The following NAA11 variants were observed in gnomAD, a reference collection of about 807,000 sequenced individuals.
NAA11 encodes N-alpha-acetyltransferase 11, NatA catalytic subunit.
In NAA11, 15 loss-of-function variants were observed where a neutral mutation model predicts 16.1. The ratio of observed to expected loss-of-function variants is 0.93; its 90% confidence interval spans 0.62 to 1.44. The LOEUF is 1.44. Among genes scored for constraint, NAA11 ranks in the 40% most tolerant of loss-of-function variants. The probability of loss-of-function intolerance (pLI) is 0.00; values close to 1 mark genes in which losing one functional copy is unlikely to be tolerated. For missense variants in NAA11, 298 were observed against 291.3 expected, an observed-to-expected ratio of 1.02 and a Z score of -0.17; for synonymous variants, 122 against 112.4, an observed-to-expected ratio of 1.09 and a Z score of -0.54.
chr4:79,178,652 G>A, the NAA11 span, among the ~76,000 whole-genome samples: 1 of 152,150 alleles, frequency 6.6e-6, no homozygotes, highest in Non-Finnish European at 1.5e-5. Flanking sequence ...GCCCAGTGGA[G>A]AAGATACATA....
At chr4:79,324,250 T>C (rs1269026925) in intron 1 of NAA11, among the ~76,000 whole-genome samples, 2 of 152,210 alleles carry the variant, frequency 1.3e-5, no homozygotes, top group African/African-American at 2.4e-5. Flanking sequence ...GTATGTATCT[T>C]TAACAGATAA....
At chr4:79,317,964 A>T (rs1723975593) in intron 1 of NAA11, among the ~76,000 whole-genome samples, 173 bp from the exon 2 acceptor site, 1 of 152,200 alleles carries the variant, frequency 6.6e-6, no homozygotes, top group African/African-American at 2.4e-5. Context: ...AGATGACTGC[A>T]CAAAGACCAC....
At chr4:79,216,319 G>A in the NAA11 span, among the ~76,000 whole-genome samples, 2 of 151,938 alleles carry the variant, frequency 1.3e-5, no homozygotes, top group Non-Finnish European at 2.9e-5. Flanking sequence ...GCTTGCTTTT[G>A]TATGTTTGAG....
the NAA11 span, among the ~76,000 whole-genome samples, chr4:79,215,962 A>G: frequency 6.6e-6 from 1 of 152,176 alleles, no homozygotes; most frequent in Admixed American, 6.5e-5. Flanking sequence ...GACTTTGGTA[A>G]ACCATAACTA....
At chr4:79,185,759 C>CT in the NAA11 span, among the ~76,000 whole-genome samples, 14 of 152,110 alleles carry the variant, frequency 9.2e-5, no homozygotes, top group South Asian at 2.1e-3. Flanking sequence ...CATCTGTGGA[C>CT]TTTTAATTTT....
chr4:79,293,536 T>C (rs1723139451), intron 2 of NAA11, among the ~76,000 whole-genome samples: 1 of 152,170 alleles, frequency 6.6e-6, no homozygotes, highest in African/African-American at 2.4e-5. Flanking sequence ...ATAAGGAAAA[T>C]GAAGACAGAA....
At chr4:79,300,725 T>C (rs1197416413) in intron 1 of NAA11, among the ~76,000 whole-genome samples, 1 of 152,172 alleles carries the variant, frequency 6.6e-6, no homozygotes, top group Non-Finnish European at 1.5e-5. Context: ...TTTAAGTGTG[T>C]GTGTGTTTTT....
At chr4:79,297,918 T>C (rs1024546199) in intron 1 of NAA11, among the ~76,000 whole-genome samples, 6 of 152,146 alleles carry the variant, frequency 3.9e-5, no homozygotes, top group African/African-American at 1.4e-4. Context: ...TAGTGGGAAT[T>C]TGTGGTGCCT....
chr4:79,254,510 C>G (rs559067977), intron 2 of NAA11, among the ~76,000 whole-genome samples: 10 of 152,218 alleles, frequency 6.6e-5, no homozygotes, highest in African/African-American at 2.4e-4. Flanking sequence ...CATGGTGTCC[C>G]AGATTCCCTG....
the NAA11 span, among the ~76,000 whole-genome samples, chr4:79,161,326 T>G: frequency 6.6e-5 from 10 of 152,100 alleles, no homozygotes; most frequent in Admixed American, 5.2e-4. Context: ...AAAAGTCTAT[T>G]GATCTTAAGT....
chr4:79,296,889 G>T (rs1327194017), intron 1 of NAA11, among the ~76,000 whole-genome samples: 2 of 152,282 alleles, frequency 1.3e-5, no homozygotes, highest in East Asian at 1.9e-4. Flanking sequence ...TATGATTAAG[G>T]CTATTGATTC....
chr4:79,312,203 TAACA>T (rs1723790223), downstream of NAA11, among the ~76,000 whole-genome samples: 5 of 152,240 alleles, frequency 3.3e-5, no homozygotes, highest in Admixed American at 2.6e-4. Flanking sequence ...ATTTATTATT[TAACA>T]AACAGTCAAA....
intron 1 of NAA11, among the ~76,000 whole-genome samples, chr4:79,323,292 A>G (rs1189223465): frequency 6.6e-6 from 1 of 152,246 alleles, no homozygotes; most frequent in Non-Finnish European, 1.5e-5. Flanking sequence ...CTTTGATGGA[A>G]GAAATACTGT....
downstream of NAA11, among the ~76,000 whole-genome samples, chr4:79,222,392 G>A (rs1560687491): frequency 6.6e-6 from 1 of 151,746 alleles, no homozygotes; most frequent in Non-Finnish European, 1.5e-5. Flanking sequence ...AAGCAATGGG[G>A]AAAGGATTCT....
At chr4:79,175,559 G>A in the NAA11 span, among the ~76,000 whole-genome samples, 2 of 151,906 alleles carry the variant, frequency 1.3e-5, no homozygotes, top group African/African-American at 4.8e-5. Context: ...TGATATTCTC[G>A]TTATTCTTGG....
At chr4:79,211,035 C>A in the NAA11 span, among the ~76,000 whole-genome samples, 1 of 152,132 alleles carries the variant, frequency 6.6e-6, no homozygotes, top group Non-Finnish European at 1.5e-5. Context: ...TCAAACTATA[C>A]AGTGCTTTTT....
intron 2 of NAA11, among the ~76,000 whole-genome samples, chr4:79,253,574 A>C (rs1302892336): frequency 6.6e-6 from 1 of 152,192 alleles, no homozygotes; most frequent in East Asian, 1.9e-4. Flanking sequence ...AGAGAACTAA[A>C]GTTTAGTTAT....
intron 1 of NAA11, among the ~76,000 whole-genome samples, chr4:79,309,357 G>C (rs1723691890): frequency 6.6e-6 from 1 of 152,028 alleles, no homozygotes; most frequent in Admixed American, 6.5e-5. Context: ...ACATTGTACT[G>C]TGGTATTTTC....
the NAA11 span, among the ~76,000 whole-genome samples, chr4:79,181,287 T>TAGGAAA: frequency 1.3e-5 from 2 of 150,856 alleles, no homozygotes; most frequent in South Asian, 4.2e-4. Flanking sequence ...AGTTTTCCCA[T>TAGGAAA]AGGCAAAGGC....
Sources: gnomAD v4.1 joint callset for allele counts (sites outside exome capture counted in the v4.1 genomes callset) on GRCh38, gnomAD v4.1.1 for gene constraint, MANE v1.5 for transcripts, NCBI Gene and HGNC (gene_info 2026-07-23, HGNC 2026-07-21) for gene names.